MST1R: variants seen among roughly 807,000 people sequenced by gnomAD.
The protein encoded by MST1R is macrophage stimulating 1 receptor.
In MST1R, 99 loss-of-function variants were observed where a neutral mutation model predicts 117.8. That is an observed-to-expected ratio of 0.84 (90% CI 0.71 to 0.99). The LOEUF is 0.99. MST1R is among the 50% of genes least tolerant of loss of function. The pLI is 0.00. For missense variants in MST1R, 1,683 were observed against 1,840.2 expected (o/e 0.91, Z 1.56); for synonymous variants, 734 against 765.3 (o/e 0.96, Z 0.68).
At position 49,896,002 on chromosome 3, in the gene MST1R, G is replaced by A. The variant is rs2108440264; in HGVS notation, c.2755C>T (p.Pro919Ser). Residue 919 changes from proline to serine, a missense_variant, in exon 11 of 20, where the codon CCC (proline) becomes TCC (serine). By Grantham distance (74) the Pro-to-Ser change is moderately conservative (BLOSUM62 -1). Coordinates refer to ENST00000296474, the MANE Select transcript of MST1R (RefSeq NM_002447.4). ...FRGDMVVCPL[P>S]PSLQLGQDGA... ...TCCTGGCCAAGCTGCAGGGATGGGG[G>A]CAGGGGGCAGACAACCATGTCCCCC... 7.5e-6 allele frequency: 12 copies of A among 1,593,330 alleles called. No homozygotes were observed. Among genetic ancestry groups the A allele is most frequent in the Non-Finnish European group, 1.0e-5 (12 of 1,169,662 alleles).
intron 1 of MST1R, among the ~76,000 whole-genome samples, chr3:49,901,655 C>T (rs2082680819): frequency 6.6e-6 from 1 of 151,944 alleles, no homozygotes; most frequent in Admixed American, 6.6e-5. Flanking sequence ...CCAATCACCC[C>T]CAATCATGGC....
In MST1R at chr3:49,887,244, A is replaced by G. The variant is rs944717099; in HGVS notation, c.*63T>C. On this transcript the variant is annotated 3_prime_UTR_variant, in exon 20 of 20. Coordinates refer to ENST00000296474, the MANE Select transcript of MST1R (RefSeq NM_002447.4). ...GAGGGCCACTGCCCTCTGGCCTGGC[A>G]TGGCCCAGAGGCAGCTTGGGGTTAG... is the stretch of plus-strand genomic sequence containing the variant. 30 of 1,590,392 alleles carry G rather than the reference A, an allele frequency of 1.9e-5. No individual in the cohort carries two copies. The highest frequency in any genetic ancestry group is 2.6e-5 in the Non-Finnish European group (30 of 1,166,980).
chr3:49,903,141 G>C lies in MST1R; in HGVS notation c.469C>G (p.Leu157Val). 1 of 1,604,128 alleles carries C rather than the reference G, an allele frequency of 6.2e-7. No homozygotes were observed. ...GAGAAGAGGCAGGCTGGCGCTGCCA[G>C]ATGCACGGCTGTCCCTTGGGGCTCT... ...DLEPQGTAVH[L>V]AAPACLFSAH... The change falls in exon 1 of 20, where the codon CTG becomes GTG. Residue 157 changes from leucine (L) to valine (V), a missense_variant. Physicochemically the swap from Leu to Val is conservative, Grantham distance 32 (BLOSUM62 1). Coordinates refer to ENST00000296474, the MANE Select transcript of MST1R (RefSeq NM_002447.4).
chr3:49,895,292 A>C lies in MST1R; in HGVS notation c.3146T>G (p.Val1049Gly), dbSNP rs1307834890. The change falls in exon 14 of 20, where the codon GTG becomes GGG. Residue 1049 changes from valine to glycine, a missense_variant. By Grantham distance (109) the Val-to-Gly change is moderately radical (BLOSUM62 -3). Transcript: ENST00000296474. ...SFSDSEDESC[V>G]PLLRKESIQL... ...GATGGACTCTTTCCGCAGCAGTGGC[A>C]CACAGGATTCATCTTCACTATCGGA... is the stretch of plus-strand genomic sequence containing the variant. 1.2e-6 allele frequency: 2 copies of C among 1,614,266 alleles called. No individual in the cohort carries two copies.
chr3:49,899,495 C>T, intron 1 of MST1R: 1 of 551,876 alleles, frequency 1.8e-6, no homozygotes, highest in South Asian at 2.1e-5. Flanking sequence ...CTCCCTGCCC[C>T]ACCCTGCCAT....
intron 4 of MST1R, 54 bp from the exon 5 acceptor site, chr3:49,898,265 C>A: frequency 6.2e-7 from 1 of 1,600,424 alleles, no homozygotes. Context: ...TCTCTCAGCC[C>A]CACCTGCTTC....
chr3:49,888,116 A>G (rs1210000001), intron 19 of MST1R, among the ~76,000 whole-genome samples: 1 of 151,894 alleles, frequency 6.6e-6, no homozygotes, highest in Admixed American at 6.6e-5. Context: ...ACATAGTGAA[A>G]CCCCATCTCT....
rs775877549 is a variant in MST1R, at chr3:49,895,231, C to T, written c.3207G>A (p.Glu1069=). The stretch of plus-strand genomic sequence containing the variant: ...CATGGGGAATCAGCACATCCTTGAC[C>T]TCAGCCAAGAGCGCAGAGTCCAGGT... ...LRDLDSALLA[E]VKDVLIPHER... Residue 1069 remains glutamate (E), a synonymous_variant, in exon 14 of 20, where the codon GAG becomes GAA. Coordinates refer to ENST00000296474, the MANE Select transcript of MST1R (RefSeq NM_002447.4). 9.3e-6 allele frequency: 15 copies of T among 1,614,118 alleles called. No homozygotes were observed. Among genetic ancestry groups the T allele is most frequent in the African/African-American group, 6.7e-5 (5 of 74,930 alleles).
In MST1R at chr3:49,899,226, C is replaced by A; in HGVS notation, c.1268G>T (p.Arg423Leu). 1 of 1,614,164 alleles carries A rather than the reference C, an allele frequency of 6.2e-7. No homozygotes were observed. The highest frequency in any genetic ancestry group is 1.7e-5 in the Admixed American group (1 of 60,028). ...GCTACTGACCAGCAGAGGGAAGTGG[C>A]GGCAGCTGGTGTTGGGGCTGAGGGC... ...LEALSPNTSCRHFPLLVSSSF... is the reference protein window; with the variant it reads ...LEALSPNTSCLHFPLLVSSSF... Residue 423 changes from arginine (R) to leucine (L), a missense_variant, in exon 2 of 20, where the codon CGC becomes CTC. Physicochemically the swap from Arg to Leu is moderately radical, Grantham distance 102 (BLOSUM62 -2). Coordinates refer to ENST00000296474, the MANE Select transcript of MST1R (RefSeq NM_002447.4).
Position 49,902,769 on chromosome 3 carries a change from C to T in MST1R, c.841G>A (p.Ala281Thr), listed in dbSNP as rs537552409. The T allele has an allele frequency of 1.2e-6, 2 of 1,613,930 alleles. No homozygotes were observed. Among genetic ancestry groups the T allele is most frequent in the East Asian group, 2.2e-5 (1 of 44,892 alleles). ...TCTGGCTCAGTGGCGCTAAGCCGTG[C>T]CAGGCGTGTGTGCAGGGCACTAGGA... The part of the protein sequence containing the change: ...DDPSALHTRL[A>T]RLSATEPELG... The change falls in exon 1 of 20, where the codon GCA (alanine) becomes ACA (threonine). Residue 281 changes from alanine (A) to threonine (T), a missense_variant. Coordinates refer to ENST00000296474, the MANE Select transcript of MST1R (RefSeq NM_002447.4).
At position 49,889,961 on chromosome 3, in the gene MST1R, G is replaced by T. The variant is rs528985327; in HGVS notation, c.3910C>A (p.Arg1304=). ...CAATACTCAGGCTGGGGCAGGCGCCGACCCTGGGCCAGGAAGTGGGTAAGG... is the reference window on the plus strand; with the variant it reads ...CAATACTCAGGCTGGGGCAGGCGCCTACCCTGGGCCAGGAAGTGGGTAAGG... ...FDLTHFLAQG[R]RLPQPEYCPD... Residue 1304 remains arginine (R), a synonymous_variant, in exon 19 of 20, where the codon CGG becomes AGG. Transcript: ENST00000296474. The T allele has an allele frequency of 1.2e-6, 2 of 1,614,008 alleles. No individual in the cohort carries two copies. Among genetic ancestry groups the T allele is most frequent in the South Asian group, 1.1e-5 (1 of 91,082 alleles).
chr3:49,887,150 G>A lies in MST1R; in HGVS notation c.*157C>T. ...AGGACTGCCCTCACTGGCTCACTCT[G>A]TGGAGTGAGGGACCTAATGGGCCCC... is the stretch of plus-strand genomic sequence containing the variant. On this transcript the variant is annotated 3_prime_UTR_variant, in exon 20 of 20. Coordinates refer to ENST00000296474, the MANE Select transcript of MST1R (RefSeq NM_002447.4). 1 of 983,992 alleles carries A rather than the reference G, an allele frequency of 1.0e-6. No homozygotes were observed. The highest frequency in any genetic ancestry group is 1.5e-6 in the Non-Finnish European group (1 of 657,144). The allele number at this position is 983,992 out of a possible 1,614,324, so 61.0% of individuals were successfully genotyped here. A position where few individuals can be genotyped will look rare whatever the true frequency, so the allele number is the denominator to read the frequency against.
At chr3:49,899,848 A>T (rs940086306) in intron 1 of MST1R, among the ~76,000 whole-genome samples, 2 of 151,830 alleles carry the variant, frequency 1.3e-5, no homozygotes, top group African/African-American at 4.8e-5. Context: ...CTGGGATTAC[A>T]GGCATGAGCC....
chr3:49,891,670 G>T, intron 15 of MST1R, 88 bp downstream of exon 15: 1 of 1,608,072 alleles, frequency 6.2e-7, no homozygotes. Flanking sequence ...CCTGCTCAGG[G>T]TCACTCAGTA....
rs772769042 is a variant in MST1R, at chr3:49,898,655, G to A, written c.1582C>T (p.Arg528Cys). ...FQVPIQGPGC[R>C]HFLTCGRCLR... Reference sequence around the variant, plus strand: ...CAACGCCCACAGGTCAGGAAGTGGCGGCAGCCAGGGCCTTGGATAGGTACC... The same window carrying A: ...CAACGCCCACAGGTCAGGAAGTGGCAGCAGCCAGGGCCTTGGATAGGTACC... Residue 528 changes from arginine to cysteine, a missense_variant, in exon 4 of 20, where the codon CGC becomes TGC. Arg to Cys is a radical substitution (Grantham distance 180). Transcript: ENST00000296474. 1.2e-5 allele frequency: 20 copies of A among 1,614,060 alleles called. No individual in the cohort carries two copies. In the East Asian group the frequency reaches 2.2e-4, roughly 18 times the overall value.
chr3:49,896,018 C>G lies in MST1R; in HGVS notation c.2739G>C (p.Met913Ile). The G allele has an allele frequency of 6.2e-7, 1 of 1,602,214 alleles. No individual in the cohort carries two copies. The highest frequency in any genetic ancestry group is 8.5e-7 in the Non-Finnish European group (1 of 1,174,352). The part of the protein sequence containing the change: ...ESCQHEFRGD[M>I]VVCPLPPSLQ... ...GGGATGGGGGCAGGGGGCAGACAAC[C>G]ATGTCCCCCCGGAACTCGTGCTGGC... is the stretch of plus-strand genomic sequence containing the variant. Residue 913 changes from methionine to isoleucine, a missense_variant, in exon 11 of 20, where the codon ATG becomes ATC. Coordinates refer to ENST00000296474, the MANE Select transcript of MST1R (RefSeq NM_002447.4).
intron 19 of MST1R, among the ~76,000 whole-genome samples, chr3:49,888,252 C>T (rs2082218611): frequency 6.6e-6 from 1 of 151,718 alleles, no homozygotes; most frequent in Non-Finnish European, 1.5e-5. Flanking sequence ...CTGGCTAACA[C>T]AGTGAAACCC....
chr3:49,895,636 G>C, intron 12 of MST1R, 79 bp downstream of exon 12: 1 of 1,610,666 alleles, frequency 6.2e-7, no homozygotes, highest in Non-Finnish European at 8.5e-7. Flanking sequence ...TAAGTCCTGG[G>C]CAGAGAGAGG....
In MST1R at chr3:49,902,401, C is replaced by T. The variant is rs767089376; in HGVS notation, c.1209G>A (p.Ser403=). 4.3e-5 allele frequency: 69 copies of T among 1,613,482 alleles called. No individual in the cohort carries two copies. The highest frequency in any genetic ancestry group is 4.8e-5 in the Non-Finnish European group (57 of 1,179,838). ...GLRRGLDFFQ[S]PSFCPNPPGL... ...TTACCGGGTTGGGGCAAAAACTGGG[C>T]GACTGGAAGAAGTCGAGGCCTCGCC... is the stretch of plus-strand genomic sequence containing the variant. Residue 403 remains serine (S), a synonymous_variant, in exon 1 of 20, where the codon TCG becomes TCA. Coordinates refer to ENST00000296474, the MANE Select transcript of MST1R (RefSeq NM_002447.4).
Sources: allele counts gnomAD v4.1 joint callset (sites outside exome capture counted in the v4.1 genomes callset), GRCh38; gene constraint gnomAD v4.1.1; transcripts MANE v1.5; gene names NCBI Gene and HGNC (gene_info 2026-07-23, HGNC 2026-07-21).